The following CHD2 variants were observed in gnomAD, a reference collection of about 807,000 sequenced individuals.
CHD2 encodes the protein ATP-dependent chromatin remodeler CHD2.
In CHD2, 28 loss-of-function variants were observed where a neutral mutation model predicts 243.9. That is an observed-to-expected ratio of 0.11 (90% CI 0.09 to 0.16). The LOEUF (loss-of-function observed/expected upper bound fraction) is 0.16. Among genes scored for constraint, CHD2 ranks in the 10% least tolerant of loss-of-function variants. The pLI is 1.00. For synonymous variants in CHD2, 775 were observed against 779.0 expected (o/e 0.99, Z 0.09); for missense variants, 1,386 against 2,209.8 (o/e 0.63, Z 7.47).
chr15:92,992,336 A>G (rs1294292432), intron 27 of CHD2, among the ~76,000 whole-genome samples: 1 of 152,188 alleles, frequency 6.6e-6, no homozygotes, highest in East Asian at 1.9e-4. Context: ...AAAAGCCAAT[A>G]GAATGTGGAA....
intron 31 of CHD2, among the ~76,000 whole-genome samples, chr15:92,999,208 A>T (rs1430236964): frequency 6.6e-6 from 1 of 150,870 alleles, no homozygotes. Context: ...CCCCAGTCCC[A>T]CTATTCCACA....
rs953120105 is a variant in CHD2, at chr15:92,978,254, G to T, written c.2598G>T (p.Ser866=). Residue 866 remains serine, a synonymous_variant, in exon 21 of 39, where the codon TCG becomes TCT. Transcript: ENST00000394196. ...DGSEDFCFLL[S]TRAGGLGINL... Reference sequence around the variant, plus strand: ...TACAGGACTTCTGTTTCCTGCTCTCGACAAGGGCTGGTGGCCTGGGAATCA... The same window carrying T: ...TACAGGACTTCTGTTTCCTGCTCTCTACAAGGGCTGGTGGCCTGGGAATCA... 3 of 1,614,126 alleles carry T rather than the reference G, an allele frequency of 1.9e-6. No individual in the cohort carries two copies. Among genetic ancestry groups the T allele is most frequent in the South Asian group, 1.1e-5 (1 of 91,078 alleles).
chr15:92,924,411 C>G lies in CHD2; in HGVS notation c.153C>G (p.Ser51Arg). ...QGSDPGSGHG[S>R]ESNSSSESSE... ...GTGATCCAGGAAGTGGACATGGCAG[C>G]GAGTCGAACAGCAGCTCTGAATCTT... Residue 51 changes from serine (S) to arginine (R), a missense_variant, in exon 3 of 39, where the codon AGC becomes AGG. Coordinates refer to ENST00000394196, the MANE Select transcript of CHD2 (RefSeq NM_001271.4). The G allele has an allele frequency of 6.2e-7, 1 of 1,613,994 alleles. No individual in the cohort carries two copies.
intron 27 of CHD2, chr15:92,991,724 C>A: frequency 4.7e-6 from 2 of 424,040 alleles, no homozygotes; most frequent in Non-Finnish European, 8.3e-6. Context: ...GACAGGCCAT[C>A]CATAAAAAGA....
At chr15:92,908,818 C>T (rs897608620) in intron 2 of CHD2, among the ~76,000 whole-genome samples, 8 of 152,088 alleles carry the variant, frequency 5.3e-5, no homozygotes, top group Admixed American at 5.2e-4. Context: ...TCTAGGCATA[C>T]CTTTAAAATG....
chr15:92,929,241 C>A, intron 5 of CHD2, 150 bp downstream of exon 5: 1 of 667,192 alleles, frequency 1.5e-6, no homozygotes, highest in Non-Finnish European at 2.6e-6. Flanking sequence ...CTACCTTGAC[C>A]TGTTGCAATA....
chr15:92,958,240 G>T (rs1350683743), intron 16 of CHD2, among the ~76,000 whole-genome samples: 1 of 152,186 alleles, frequency 6.6e-6, no homozygotes, highest in Non-Finnish European at 1.5e-5. Flanking sequence ...GAAGGTTCTA[G>T]TTTCCCTGCG....
At chr15:93,010,576 A>G (rs1192345238) in intron 35 of CHD2, among the ~76,000 whole-genome samples, 1 of 152,164 alleles carries the variant, frequency 6.6e-6, no homozygotes, top group African/African-American at 2.4e-5. Flanking sequence ...GGTGCCTGCC[A>G]TCACGCCTGG....
At position 92,910,019 on chromosome 15, in the gene CHD2, C is replaced by G. The variant is rs145835953; in HGVS notation, c.62+8720C>G. 6.7e-5 allele frequency among the ~76,000 whole-genome samples: 10 copies of G among 149,000 alleles called. No homozygotes were observed. The East Asian group carries it at 1.8e-3, about 27-fold the overall frequency. On this transcript the variant is annotated intron_variant, in intron 2 of 38. Coordinates refer to ENST00000394196, the MANE Select transcript of CHD2 (RefSeq NM_001271.4). ...ATATATACATATATATAAATTTTTT[C>G]TTTTGAGACAGGGTTTCACTCCCAT... is the stretch of plus-strand genomic sequence containing the variant.
intron 24 of CHD2, among the ~76,000 whole-genome samples, chr15:92,983,133 C>G (rs1411924390): frequency 1.3e-5 from 2 of 152,132 alleles, no homozygotes; most frequent in Non-Finnish European, 2.9e-5. Context: ...TCATGACCTC[C>G]TAACACCTTA....
intron 2 of CHD2, among the ~76,000 whole-genome samples, chr15:92,907,862 C>G (rs2052650870): frequency 6.6e-6 from 1 of 152,020 alleles, no homozygotes; most frequent in African/African-American, 2.4e-5. Flanking sequence ...CTAGGTTGGC[C>G]CTGAGGAACT....
At chr15:92,920,601 G>T (rs1317105067) in intron 2 of CHD2, among the ~76,000 whole-genome samples, 1 of 152,142 alleles carries the variant, frequency 6.6e-6, no homozygotes, top group Non-Finnish European at 1.5e-5. Flanking sequence ...CCTTTTGTGG[G>T]TCTCTAGTTG....
At chr15:92,928,786 C>G (rs2053113226) in intron 4 of CHD2, among the ~76,000 whole-genome samples, 1 of 152,128 alleles carries the variant, frequency 6.6e-6, no homozygotes, top group African/African-American at 2.4e-5. Flanking sequence ...TATTGCTGTT[C>G]TGGAAGTCAA....
intron 5 of CHD2, among the ~76,000 whole-genome samples, chr15:92,933,932 TGTCACATACCTGTAACACA>T (rs1490955777): frequency 6.6e-6 from 1 of 152,186 alleles, no homozygotes; most frequent in Non-Finnish European, 1.5e-5. Context: ...AATTGGAGAT[TGTCACATACCTGTAACACA>T]GTGGAAGGGA....
chr15:92,963,190 G>C (rs942967704), intron 16 of CHD2, among the ~76,000 whole-genome samples: 1 of 152,070 alleles, frequency 6.6e-6, no homozygotes, highest in African/African-American at 2.4e-5. Flanking sequence ...TTAATAATAT[G>C]GTTGGATTTA....
At position 92,939,621 on chromosome 15, in the gene CHD2, C is replaced by T. The variant is rs764705223; in HGVS notation, c.595C>T (p.Arg199Cys). ...PRVKKQPKTQRGKRKKQDSSD... is the reference protein window; with the variant it reads ...PRVKKQPKTQCGKRKKQDSSD... The stretch of plus-strand genomic sequence containing the variant: ...TGTTAAAAAGCAGCCGAAGACTCAG[C>T]GTGGAAAGAGAAAAAAGCAAGATTC... Residue 199 changes from arginine (R) to cysteine (C), a missense_variant, in exon 7 of 39, where the codon CGT becomes TGT. Transcript: ENST00000394196. 18 of 1,614,052 alleles carry T rather than the reference C, an allele frequency of 1.1e-5. No individual in the cohort carries two copies. The highest frequency in any genetic ancestry group is 1.7e-4 in the Middle Eastern group (1 of 6,060).
At chr15:92,978,434 G>A (rs572505108) in intron 21 of CHD2, 51 bp downstream of exon 21, 4 of 1,569,272 alleles carry the variant, frequency 2.5e-6, no homozygotes, top group Non-Finnish European at 3.5e-6. Context: ...GGGCCAGGGG[G>A]CTTGTTCAGC....
intron 2 of CHD2, among the ~76,000 whole-genome samples, chr15:92,917,043 T>G (rs1252106482): frequency 6.6e-6 from 1 of 152,258 alleles, no homozygotes; most frequent in Non-Finnish European, 1.5e-5. Context: ...GTATCCATTT[T>G]CTTTGTGCAG....
At chr15:93,006,001 A>G (rs1330966631) in intron 34 of CHD2, among the ~76,000 whole-genome samples, 1 of 152,218 alleles carries the variant, frequency 6.6e-6, no homozygotes. Flanking sequence ...CAGGGATATA[A>G]TAGTCATTGA....
Sources: allele counts gnomAD v4.1 joint callset (sites outside exome capture counted in the v4.1 genomes callset), GRCh38; gene constraint gnomAD v4.1.1; transcripts MANE v1.5; gene names NCBI Gene and HGNC (gene_info 2026-07-23, HGNC 2026-07-21).